Variants in LRRC8D observed in about 807,000 individuals in gnomAD.
The protein encoded by LRRC8D is leucine rich repeat containing 8 VRAC subunit D.
LRRC8D carries 20 observed loss-of-function variants against 55.8 expected under a neutral mutation model. The ratio of observed to expected loss-of-function variants is 0.36; its 90% CI spans 0.25 to 0.52. LRRC8D has a LOEUF of 0.52. LRRC8D is among the 20% of genes least tolerant of loss of function. LRRC8D has a pLI of 0.93. For missense variants in LRRC8D, 651 were observed against 1,030.8 expected (o/e 0.63, Z 5.05); for synonymous variants, 352 against 377.0 (o/e 0.93, Z 0.77).
intron 2 of LRRC8D, among the ~76,000 whole-genome samples, chr1:89,853,812 A>G (rs1661482953): frequency 6.6e-6 from 1 of 152,140 alleles, no homozygotes; most frequent in Admixed American, 6.5e-5. Flanking sequence ...CCAGTGAGGA[A>G]TGAGGAGGAG....
chr1:89,835,909 T>G (rs1412335731), intron 1 of LRRC8D, among the ~76,000 whole-genome samples: 6 of 152,220 alleles, frequency 3.9e-5, no homozygotes, highest in Non-Finnish European at 8.8e-5. Flanking sequence ...CTGTACAAAT[T>G]ATGATTGAGA....
At chr1:89,861,093 T>C (rs1490425471) in intron 2 of LRRC8D, among the ~76,000 whole-genome samples, 2 of 152,042 alleles carry the variant, frequency 1.3e-5, no homozygotes, top group Non-Finnish European at 2.9e-5. Flanking sequence ...AGTCTGTCCA[T>C]CCTTGGCCAA....
chr1:89,928,307 G>A (rs1182120616), intron 2 of LRRC8D, among the ~76,000 whole-genome samples: 3 of 152,118 alleles, frequency 2.0e-5, no homozygotes, highest in African/African-American at 7.2e-5. Context: ...CTGACCTCAG[G>A]TGATCTGCCC....
chr1:89,886,626 CAT>C, intron 2 of LRRC8D, among the ~76,000 whole-genome samples: 1 of 152,288 alleles, frequency 6.6e-6, no homozygotes, highest in Non-Finnish European at 1.5e-5. Context: ...TATCTCAAAA[CAT>C]ATGGTGTATT....
At position 89,866,412 on chromosome 1, in the gene LRRC8D, C is replaced by T. The variant is rs190658309; in HGVS notation, c.-3+22630C>T. ...TTTATATCAGTTTCCTTTAGATTAA[C>T]ATTAAGATGAAAACACAAATTGAAA... is the stretch of plus-strand genomic sequence containing the variant. On this transcript the variant is annotated intron_variant, in intron 2 of 2. Coordinates refer to ENST00000337338, the MANE Select transcript of LRRC8D (RefSeq NM_001134479.2). 3.9e-5 allele frequency among the ~76,000 whole-genome samples: 6 copies of T among 152,130 alleles called. No individual in the cohort carries two copies. The East Asian group carries it at 5.8e-4, about 15-fold the overall frequency.
At chr1:89,835,516 A>G (rs369918022) in intron 1 of LRRC8D, among the ~76,000 whole-genome samples, 65 of 152,170 alleles carry the variant, frequency 4.3e-4, no homozygotes, top group African/African-American at 1.5e-3. Flanking sequence ...CCTGTGCTAG[A>G]TTTCTCCTTT....
chr1:89,854,631 C>G (rs914853984), intron 2 of LRRC8D, among the ~76,000 whole-genome samples: 1 of 152,152 alleles, frequency 6.6e-6, no homozygotes, highest in East Asian at 1.9e-4. Context: ...GATGTCCTCT[C>G]AAGTCTTCTG....
At chr1:89,890,187 C>CAATA (rs142628723) in intron 2 of LRRC8D, among the ~76,000 whole-genome samples, 8,256 of 151,720 alleles carry the variant, frequency 0.054, 767 homozygotes, top group African/African-American at 0.19. Context: ...GACTCTGTCT[C>CAATA]AATAAATAAA....
rs565298251 is a variant in LRRC8D at position 89,922,127 on chromosome 1, G to A, written c.-2-10940G>A. 3.0e-4 allele frequency among the ~76,000 whole-genome samples: 45 copies of A among 151,982 alleles called. 1 individual carries two copies. In the South Asian group the frequency reaches 5.4e-3, roughly 18 times the overall value. On this transcript the variant is annotated intron_variant, in intron 2 of 2. Coordinates refer to ENST00000337338, the MANE Select transcript of LRRC8D (RefSeq NM_001134479.2). ...TACCCAGGCCAGGGTGCAGTGGGGC[G>A]ATCTTGGCTCGCTGAAACCTCCGCC...
Position 89,934,941 on chromosome 1 carries a change from C to T in LRRC8D, c.1873C>T (p.Leu625Phe), listed in dbSNP as rs1377866180. ...AGTCATTCATAATGACGGCACTAAA[C>T]TCTTGGTACTGAACAGCCTTAAGAA... Reference protein sequence around the residue: ...KLVIHNDGTKLLVLNSLKKMM... With the variant: ...KLVIHNDGTKFLVLNSLKKMM... The change falls in exon 3 of 3, where the codon CTC (leucine) becomes TTC (phenylalanine). Residue 625 changes from leucine to phenylalanine, a missense_variant. By Grantham distance (22) the Leu-to-Phe change is conservative. This residue lies in a region of LRRC8D where 338 missense variants were observed against 479.4 expected (regional missense o/e 0.71). Coordinates refer to ENST00000337338, the MANE Select transcript of LRRC8D (RefSeq NM_001134479.2). The surrounding 1 kb of genome is among the most constrained non-coding windows in gnomAD (Gnocchi z 5.9). The T allele has an allele frequency of 1.2e-6, 2 of 1,614,032 alleles. No individual in the cohort carries two copies. The highest frequency in any genetic ancestry group is 2.7e-5 in the African/African-American group (2 of 74,936).
chr1:89,887,927 T>G (rs1023166409), intron 2 of LRRC8D, among the ~76,000 whole-genome samples: 2 of 152,192 alleles, frequency 1.3e-5, no homozygotes, highest in East Asian at 3.8e-4. Context: ...AGGGGTGGAC[T>G]GATCATACCC....
intron 2 of LRRC8D, among the ~76,000 whole-genome samples, chr1:89,871,682 A>G (rs1277094997): frequency 6.6e-6 from 1 of 152,256 alleles, no homozygotes; most frequent in African/African-American, 2.4e-5. Flanking sequence ...AAAGTTAATG[A>G]TAAATGTTAA....
intron 2 of LRRC8D, among the ~76,000 whole-genome samples, chr1:89,867,708 G>T (rs1231284820): frequency 6.6e-6 from 1 of 152,168 alleles, no homozygotes; most frequent in Non-Finnish European, 1.5e-5. Context: ...CAAAGTGGCT[G>T]CACCATTTTG....
At chr1:89,860,756 CAAAAAAAAAAAA>C (rs1181859656) in intron 2 of LRRC8D, among the ~76,000 whole-genome samples, 1 of 18,846 alleles carries the variant, frequency 5.3e-5, no homozygotes, top group African/African-American at 2.3e-4. Context: ...GACTCTATCT[CAAAAAAAAAAAA>C]AAAAAAAAAA....
chr1:89,932,338 A>G lies in LRRC8D; in HGVS notation c.-2-729A>G, dbSNP rs113007287. On this transcript the variant is annotated intron_variant, in intron 2 of 2. Transcript: ENST00000337338. Reference sequence around the variant, plus strand: ...CACATGCTTTCCATAGGACTGCATCAAAGGCCAGAGTTTCAGCTATATATA... The same window carrying G: ...CACATGCTTTCCATAGGACTGCATCGAAGGCCAGAGTTTCAGCTATATATA... Among the ~76,000 whole-genome samples, 911 of 152,294 alleles carry G rather than the reference A, an allele frequency of 6.0e-3. 8 individuals carry two copies. The highest frequency in any genetic ancestry group is 0.021 in the African/African-American group (878 of 41,546).
intron 2 of LRRC8D, among the ~76,000 whole-genome samples, chr1:89,907,708 A>C (rs1297560676): frequency 6.6e-6 from 1 of 152,178 alleles, no homozygotes; most frequent in Non-Finnish European, 1.5e-5. Context: ...GTCATTTCCT[A>C]CTTTGTGACC....
At chr1:89,854,361 T>C (rs1039163708) in intron 2 of LRRC8D, among the ~76,000 whole-genome samples, 3 of 147,142 alleles carry the variant, frequency 2.0e-5, no homozygotes, top group Non-Finnish European at 4.5e-5. Flanking sequence ...TTGTCAGTGG[T>C]GGTTAGGTGC....
Position 89,934,809 on chromosome 1 carries a change from CT to C in LRRC8D, c.1743del (p.Glu582AsnfsTer14). ...LNSENNKMIG[L>X]ESLRELRHLK... Reference sequence around the variant, plus strand: ...CTCTGAAAACAATAAGATGATAGGACTTGAATCTCTCCGAGAGTTGCGGCAC... The same window carrying C: ...CTCTGAAAACAATAAGATGATAGGACTGAATCTCTCCGAGAGTTGCGGCAC... On this transcript the variant is annotated frameshift_variant, in exon 3 of 3. Coordinates refer to ENST00000337338, the MANE Select transcript of LRRC8D (RefSeq NM_001134479.2). LOFTEE classifies it high-confidence loss of function. This position sits in a 1 kb window ranked among gnomAD's most constrained non-coding sequence, Gnocchi z 5.9. 6.2e-7 allele frequency: 1 copy of C among 1,614,144 alleles called. No individual in the cohort carries two copies. The highest frequency in any genetic ancestry group is 8.5e-7 in the Non-Finnish European group (1 of 1,180,042).
chr1:89,889,724 A>C (rs995456682), intron 2 of LRRC8D, among the ~76,000 whole-genome samples: 8 of 151,892 alleles, frequency 5.3e-5, no homozygotes, highest in Non-Finnish European at 8.8e-5. Flanking sequence ...TCTACTAAAA[A>C]TACAAAAATT....
Sources: gnomAD v4.1 joint callset for allele counts (sites outside exome capture counted in the v4.1 genomes callset) on GRCh38, gnomAD v4.1.1 for gene constraint, gnomAD v4.1.1 regional missense constraint, Gnocchi (gnomAD v3.1) non-coding constraint, MANE v1.5 for transcripts, NCBI Gene and HGNC (gene_info 2026-07-23, HGNC 2026-07-21) for gene names.